TDRD5: variants seen among roughly 807,000 people sequenced by gnomAD.
The protein encoded by TDRD5 is tudor domain containing 5, also known as tudor domain-containing protein 5.
Under a neutral mutation model 120.6 loss-of-function variants are expected in TDRD5, and 41 were observed. The ratio of observed to expected loss-of-function variants is 0.34; its 90% CI spans 0.26 to 0.44. TDRD5 has a LOEUF of 0.44. Ranked by LOEUF, TDRD5 falls within the 20% of genes least tolerant of loss-of-function variation. TDRD5 has a pLI of 1.00. For synonymous variants in TDRD5, 430 were observed against 433.7 expected, an observed-to-expected ratio of 0.99 and a Z score of 0.11; for missense variants, 1,006 against 1,221.2, an observed-to-expected ratio of 0.82 and a Z score of 2.63.
In TDRD5 at chr1:179,685,000, T is replaced by A. The variant is rs1388004239; in HGVS notation, c.2861-5696T>A. ...TTTCTCCCATTCTGTAGGTTGCCTGTTCACTCTAATGGTAGTCTCTTTTGC... is the reference window on the plus strand; with the variant it reads ...TTTCTCCCATTCTGTAGGTTGCCTGATCACTCTAATGGTAGTCTCTTTTGC... On this transcript the variant is annotated intron_variant, in intron 17 of 17. Coordinates refer to ENST00000444136, the MANE Select transcript of TDRD5 (RefSeq NM_001199085.3). 2.1e-5 allele frequency among the ~76,000 whole-genome samples: 3 copies of A among 141,106 alleles called. No individual in the cohort carries two copies. The East Asian group carries it at 7.2e-4, about 34-fold the overall frequency. The allele number at this position is 141,106 out of a possible 152,430, so 92.6% of individuals were successfully genotyped here.
At chr1:179,611,177 AAGT>A (rs1424962019) in intron 4 of TDRD5, among the ~76,000 whole-genome samples, 1 of 151,864 alleles carries the variant, frequency 6.6e-6, no homozygotes, top group Non-Finnish European at 1.5e-5. Context: ...TCAGCCATCC[AAGT>A]AGCTGGAATT....
chr1:179,689,025 G>A (rs1003754642), intron 17 of TDRD5, among the ~76,000 whole-genome samples: 20 of 152,060 alleles, frequency 1.3e-4, no homozygotes, highest in African/African-American at 3.6e-4. Context: ...TGTTATTACC[G>A]ATCATCTGAA....
intron 17 of TDRD5, among the ~76,000 whole-genome samples, chr1:179,681,654 A>G (rs1328217338): frequency 1.3e-5 from 2 of 152,008 alleles, no homozygotes; most frequent in African/African-American, 4.8e-5. Flanking sequence ...CTCTGCTGTT[A>G]TAGCGTGAAA....
intron 6 of TDRD5, among the ~76,000 whole-genome samples, chr1:179,623,505 G>A (rs1226943423): frequency 6.6e-6 from 1 of 151,968 alleles, no homozygotes; most frequent in Non-Finnish European, 1.5e-5. Flanking sequence ...GGTACAGTAG[G>A]ACTGAAAAGG....
intron 7 of TDRD5, among the ~76,000 whole-genome samples, chr1:179,634,164 T>C (rs6669214): frequency 0.93 from 139,131 of 149,748 alleles, 65,254 homozygotes; most frequent in Non-Finnish European, 0.99. Context: ...GAGCAAGACT[T>C]CATCTCAAAA....
At chr1:179,688,513 A>G (rs1022647370) in intron 17 of TDRD5, among the ~76,000 whole-genome samples, 4 of 152,012 alleles carry the variant, frequency 2.6e-5, no homozygotes, top group African/African-American at 7.3e-5. Flanking sequence ...GAATCTGACA[A>G]TTATGTTTCT....
chr1:179,600,253 G>A (rs1303131498), intron 4 of TDRD5, among the ~76,000 whole-genome samples: 1 of 152,114 alleles, frequency 6.6e-6, no homozygotes, highest in Admixed American at 6.5e-5. Context: ...CCAGAGCAAC[G>A]TACAACCCTG....
Position 179,635,720 on chromosome 1 carries a change from C to T in TDRD5, c.1353C>T (p.Ile451=). The change falls in exon 9 of 18, where the codon ATC becomes ATT. Residue 451 remains isoleucine, a synonymous_variant. Transcript: ENST00000444136. ...ELNLAMANHD[I]PPDAVPNKKL... The stretch of plus-strand genomic sequence containing the variant: ...ACTTGGCAATGGCAAATCATGACAT[C>T]CCGCCAGACGCTGTGCCGAACAAGA... The T allele has an allele frequency of 1.2e-6, 2 of 1,614,002 alleles. No homozygotes were observed. The highest frequency in any genetic ancestry group is 1.7e-6 in the Non-Finnish European group (2 of 1,179,984).
chr1:179,665,912 C>T (rs1323621683), intron 16 of TDRD5, among the ~76,000 whole-genome samples: 1 of 152,160 alleles, frequency 6.6e-6, no homozygotes, highest in East Asian at 1.9e-4. Context: ...CAGTCCTCTC[C>T]TGCTGTCTGT....
At chr1:179,625,190 G>T (rs1677058321) in intron 6 of TDRD5, among the ~76,000 whole-genome samples, 1 of 147,934 alleles carries the variant, frequency 6.8e-6, no homozygotes, top group Admixed American at 6.7e-5. Flanking sequence ...ATTATTTCAA[G>T]ATGTATCATA....
intron 4 of TDRD5, among the ~76,000 whole-genome samples, chr1:179,602,042 G>T (rs1675743429): frequency 1.3e-5 from 2 of 152,224 alleles, no homozygotes; most frequent in African/African-American, 4.8e-5. Context: ...CTGAGCTCAG[G>T]CAGTCCACCC....
intron 4 of TDRD5, among the ~76,000 whole-genome samples, chr1:179,616,013 A>G (rs1042106752): frequency 2.6e-5 from 4 of 152,166 alleles, no homozygotes; most frequent in African/African-American, 4.8e-5. Context: ...AAAACTATGG[A>G]CACTGAAATT....
At chr1:179,683,653 A>G (rs1246200105) in intron 17 of TDRD5, among the ~76,000 whole-genome samples, 3 of 152,296 alleles carry the variant, frequency 2.0e-5, no homozygotes, top group Middle Eastern at 3.4e-3. Flanking sequence ...ATTTTTTGAA[A>G]TCTATGTTTT....
chr1:179,640,495 A>G (rs756100095), intron 11 of TDRD5, 50 bp downstream of exon 11: 4 of 1,552,810 alleles, frequency 2.6e-6, no homozygotes, highest in East Asian at 2.2e-5. Context: ...AGTGCCTATT[A>G]TGTGCCAATA....
intron 6 of TDRD5, among the ~76,000 whole-genome samples, chr1:179,621,441 C>A (rs1040277171): frequency 1.3e-5 from 2 of 151,996 alleles, no homozygotes; most frequent in Non-Finnish European, 2.9e-5. Flanking sequence ...TTGGCATTAT[C>A]AAGTAAAGTT....
chr1:179,662,428 C>A, intron 15 of TDRD5, 142 bp downstream of exon 15: 1 of 793,372 alleles, frequency 1.3e-6, no homozygotes, highest in South Asian at 2.2e-5. Flanking sequence ...TGGTGAGACC[C>A]TGTCTCTACT....
chr1:179,680,553 T>C (rs966252116), intron 17 of TDRD5, among the ~76,000 whole-genome samples: 2 of 152,266 alleles, frequency 1.3e-5, no homozygotes, highest in Non-Finnish European at 2.9e-5. Context: ...TATTCTTTGC[T>C]TTGAAATCTA....
In TDRD5 at chr1:179,653,852, C is replaced by T. The variant is rs1291706835; in HGVS notation, c.2161-349C>T. ...TTCATTGCATCTTCTCAGATGTCCT[C>T]TTCTATCAATCATATTTTTGTCATA... is the stretch of plus-strand genomic sequence containing the variant. On this transcript the variant is annotated intron_variant, in intron 13 of 17. Transcript: ENST00000444136. 4.6e-5 allele frequency among the ~76,000 whole-genome samples: 7 copies of T among 152,284 alleles called. No individual in the cohort carries two copies. In the East Asian group the frequency reaches 5.8e-4, roughly 13 times the overall value.
intron 17 of TDRD5, 63 bp downstream of exon 17, chr1:179,669,467 AAAAC>A: frequency 6.4e-7 from 1 of 1,573,994 alleles, no homozygotes. Flanking sequence ...CCATGTTGCT[AAAAC>A]AAACCTTCAT....
Sources: allele counts gnomAD v4.1 joint callset (sites outside exome capture counted in the v4.1 genomes callset), GRCh38; gene constraint gnomAD v4.1.1; transcripts MANE v1.5; gene names NCBI Gene and HGNC (gene_info 2026-07-23, HGNC 2026-07-21).